The following TMEM44 variants were observed in gnomAD, a reference collection of about 807,000 sequenced individuals.
The protein encoded by TMEM44 is transmembrane protein 44.
TMEM44 carries 43 observed loss-of-function variants against 47.8 expected under a neutral mutation model. The ratio of observed to expected loss-of-function variants is 0.90; its 90% CI spans 0.70 to 1.16. TMEM44 has a LOEUF of 1.16. TMEM44 is among the 50% of genes most tolerant of loss of function. TMEM44 has a pLI of 0.00. For missense variants in TMEM44, 568 were observed against 555.2 expected (o/e 1.02, Z -0.23); for synonymous variants, 277 against 238.8 (o/e 1.16, Z -1.48).
intron 5 of TMEM44, among the ~76,000 whole-genome samples, chr3:194,622,376 A>G (rs1716639428): frequency 6.6e-6 from 1 of 151,928 alleles, no homozygotes; most frequent in South Asian, 2.1e-4. Flanking sequence ...ATTTGTTTCT[A>G]TCTTTCTTGA....
chr3:194,614,754 G>A (rs1715696482), intron 7 of TMEM44, among the ~76,000 whole-genome samples: 1 of 152,198 alleles, frequency 6.6e-6, no homozygotes, highest in South Asian at 2.1e-4. Flanking sequence ...TGTAGCATGT[G>A]AACTTAACTA....
chr3:194,605,755 C>T (rs762581432), intron 8 of TMEM44, among the ~76,000 whole-genome samples: 2 of 152,216 alleles, frequency 1.3e-5, no homozygotes, highest in Non-Finnish European at 2.9e-5. Flanking sequence ...CTCTGAGTCT[C>T]AGTTTCCTCA....
chr3:194,613,453 C>T (rs1438872141), intron 7 of TMEM44, among the ~76,000 whole-genome samples: 2 of 151,776 alleles, frequency 1.3e-5, no homozygotes, highest in African/African-American at 4.8e-5. Context: ...GCTGGCATTA[C>T]AGGCATGAGG....
At chr3:194,623,112 T>C (rs543151900) in intron 5 of TMEM44, 112 bp downstream of exon 5, 7 of 1,015,228 alleles carry the variant, frequency 6.9e-6, no homozygotes, top group Middle Eastern at 2.9e-4. Context: ...TGAGCCCATG[T>C]CCATGCACCC....
intron 7 of TMEM44, among the ~76,000 whole-genome samples, chr3:194,612,866 G>A (rs181388034): frequency 0.014 from 2,065 of 151,666 alleles, 40 homozygotes; most frequent in African/African-American, 0.046. Context: ...GGGTTTCACT[G>A]TGGTCTCGAT....
intron 9 of TMEM44, among the ~76,000 whole-genome samples, chr3:194,599,664 A>G (rs1394453492): frequency 2.0e-5 from 3 of 149,500 alleles, no homozygotes; most frequent in East Asian, 2.0e-4. Flanking sequence ...GACTCACTGC[A>G]ACCTCCGCCT....
intron 5 of TMEM44, among the ~76,000 whole-genome samples, chr3:194,621,364 G>A (rs1716517342): frequency 6.6e-6 from 1 of 152,164 alleles, no homozygotes; most frequent in African/African-American, 2.4e-5. Context: ...ATAAACTTCT[G>A]TTGTTGAAAG....
In TMEM44 at chr3:194,624,125, C is replaced by T. The variant is rs569156033; in HGVS notation, c.359-430G>A. Among the ~76,000 whole-genome samples, 219 of 152,294 alleles carry T rather than the reference C, an allele frequency of 1.4e-3. 2 individuals are homozygous for T. The Middle Eastern group carries it at 0.027, about 19-fold the overall frequency. ...AGCGATGGCACCAGCGGGAACTGTG[C>T]GCGGGACAAACAGCAATGAGCAGTG... On this transcript the variant is annotated intron_variant, in intron 3 of 9. Coordinates refer to ENST00000347147, the MANE Select transcript of TMEM44 (RefSeq NM_001011655.3).
chr3:194,610,058 C>T lies in TMEM44; in HGVS notation c.1017+858G>A, dbSNP rs143828507. On this transcript the variant is annotated intron_variant, in intron 8 of 9. Coordinates refer to ENST00000347147, the MANE Select transcript of TMEM44 (RefSeq NM_001011655.3). ...CCTGGCTAACATGGTGAAACCCCGT[C>T]TCTAGTAAAAATACAAAAATTAGCT... is the stretch of plus-strand genomic sequence containing the variant. Among the ~76,000 whole-genome samples, 535 of 152,194 alleles carry T rather than the reference C, an allele frequency of 3.5e-3. 6 individuals carry two copies. The highest frequency in any genetic ancestry group is 0.012 in the African/African-American group (514 of 41,520).
chr3:194,618,504 T>C (rs1716185271), intron 5 of TMEM44, among the ~76,000 whole-genome samples: 1 of 148,434 alleles, frequency 6.7e-6, no homozygotes, highest in African/African-American at 2.4e-5. Context: ...AGTTCATATA[T>C]ATACAAATTA....
intron 5 of TMEM44, among the ~76,000 whole-genome samples, chr3:194,621,931 T>TG (rs1207973174): frequency 6.6e-6 from 1 of 152,188 alleles, no homozygotes; most frequent in Non-Finnish European, 1.5e-5. Flanking sequence ...AGGATGGCCT[T>TG]GAACTCCTGA....
intron 9 of TMEM44, among the ~76,000 whole-genome samples, chr3:194,591,356 T>G (rs806073): frequency 6.6e-6 from 1 of 151,626 alleles, no homozygotes; most frequent in Admixed American, 6.6e-5. Flanking sequence ...TAGCCAGGCA[T>G]GGTGACAGGC....
chr3:194,613,089 G>GGA (rs1715497056), intron 7 of TMEM44, among the ~76,000 whole-genome samples: 1 of 152,202 alleles, frequency 6.6e-6, no homozygotes, highest in Non-Finnish European at 1.5e-5. Context: ...ATCAATAAAA[G>GGA]GAGACGCATT....
chr3:194,599,456 G>A (rs1309397691), intron 9 of TMEM44, among the ~76,000 whole-genome samples: 5 of 152,192 alleles, frequency 3.3e-5, no homozygotes, highest in Non-Finnish European at 7.3e-5. Context: ...CAAATAGGGG[G>A]GCATGTCAGG....
At chr3:194,601,920 G>A (rs1714178988) in intron 9 of TMEM44, among the ~76,000 whole-genome samples, 1 of 152,190 alleles carries the variant, frequency 6.6e-6, no homozygotes, top group African/African-American at 2.4e-5. Context: ...GGCGGCAAGA[G>A]TCAACCTTGT....
intron 9 of TMEM44, among the ~76,000 whole-genome samples, chr3:194,592,176 C>T (rs1298856449): frequency 1.3e-5 from 2 of 151,032 alleles, no homozygotes; most frequent in Non-Finnish European, 2.9e-5. Context: ...CGAGATCGCA[C>T]CACTGCAGTC....
At chr3:194,595,565 C>G (rs9288751) in intron 9 of TMEM44, among the ~76,000 whole-genome samples, 139,760 of 151,630 alleles carry the variant, frequency 0.92, 64,474 homozygotes, top group East Asian at 0.98. Context: ...TGCTCGACTT[C>G]GGATGGATTG....
At chr3:194,606,896 T>C (rs1714830549) in intron 8 of TMEM44, among the ~76,000 whole-genome samples, 1 of 139,892 alleles carries the variant, frequency 7.1e-6, no homozygotes, top group Non-Finnish European at 1.5e-5. Flanking sequence ...TGGGTCACAG[T>C]GAGCCGTGAT....
intron 1 of TMEM44, among the ~76,000 whole-genome samples, chr3:194,629,636 C>T (rs1036198879): frequency 2.5e-4 from 35 of 141,366 alleles, no homozygotes; most frequent in Non-Finnish European, 1.4e-4. Context: ...CTCTGAAACA[C>T]GTTGTCGTAC....
Sources: allele counts gnomAD v4.1 joint callset (sites outside exome capture counted in the v4.1 genomes callset), GRCh38; gene constraint gnomAD v4.1.1; transcripts MANE v1.5; gene names NCBI Gene and HGNC (gene_info 2026-07-23, HGNC 2026-07-21).